Variants in PDIA6 observed in about 807,000 individuals in gnomAD.
PDIA6 encodes the protein protein disulfide isomerase family A member 6, also known as protein disulfide-isomerase A6.
Under a neutral mutation model 58.4 loss-of-function variants are expected in PDIA6, and 29 were observed. The observed-to-expected ratio is 0.50, with a 90% confidence interval of 0.37 to 0.68. The LOEUF (loss-of-function observed/expected upper bound fraction) is 0.68. PDIA6 is among the 30% of genes least tolerant of loss of function. PDIA6 has a pLI of 0.00. For missense variants in PDIA6, 480 were observed against 551.0 expected, an observed-to-expected ratio of 0.87 and a Z score of 1.29; for synonymous variants, 192 against 202.6, an observed-to-expected ratio of 0.95 and a Z score of 0.44.
chr2:10,827,306 G>T (rs189700336), intron 1 of PDIA6, among the ~76,000 whole-genome samples: 52 of 151,926 alleles, frequency 3.4e-4, no homozygotes, highest in African/African-American at 1.1e-3. Context: ...CAGATGATCC[G>T]CCCTCCTCAG....
chr2:10,794,489 T>TA (rs1666182736), intron 4 of PDIA6, among the ~76,000 whole-genome samples: 1 of 141,712 alleles, frequency 7.1e-6, no homozygotes, highest in Non-Finnish European at 1.6e-5. Context: ...TTTTTTTTTT[T>TA]AGAGTTTTCT....
At chr2:10,793,295 G>A (rs1686517) in intron 4 of PDIA6, 93 bp from the exon 5 acceptor site, 434,075 of 770,846 alleles carry the variant, frequency 0.56, 123,156 homozygotes, top group Middle Eastern at 0.61. Context: ...CCTCACTGTC[G>A]GCTTCACCAG....
upstream of PDIA6, among the ~76,000 whole-genome samples, chr2:10,814,285 C>CT (rs1667121677): frequency 6.6e-6 from 1 of 152,222 alleles, no homozygotes; most frequent in African/African-American, 2.4e-5. Context: ...CAGCAGCCCT[C>CT]TGAAGTCACG....
chr2:10,806,628 CAGAA>C (rs1553339931), intron 1 of PDIA6, among the ~76,000 whole-genome samples: 3 of 70,364 alleles, frequency 4.3e-5, no homozygotes, highest in South Asian at 5.2e-4. Flanking sequence ...AAAATAAAGA[CAGAA>C]AGAAAGAAAG....
At chr2:10,835,226 T>A (rs1667806716), upstream of PDIA6, among the ~76,000 whole-genome samples, 1 of 152,132 alleles carries the variant, frequency 6.6e-6, no homozygotes, top group Admixed American at 6.5e-5. Context: ...TCCCAAGCCA[T>A]CTGCAGGAAG....
At chr2:10,828,001 T>C (rs1439582539) in intron 1 of PDIA6, among the ~76,000 whole-genome samples, 6 of 150,474 alleles carry the variant, frequency 4.0e-5, no homozygotes, top group Middle Eastern at 3.5e-3. Context: ...GGACAGTGAA[T>C]TCCCCATAAA....
At chr2:10,799,869 G>T (rs1238236974) in intron 2 of PDIA6, among the ~76,000 whole-genome samples, 2 of 150,664 alleles carry the variant, frequency 1.3e-5, no homozygotes, top group Admixed American at 1.3e-4. Context: ...CTCCCAAAGG[G>T]CTGGTGGATA....
intron 1 of PDIA6, among the ~76,000 whole-genome samples, chr2:10,826,401 C>T (rs1558464614): frequency 6.6e-6 from 1 of 151,972 alleles, no homozygotes; most frequent in Non-Finnish European, 1.5e-5. Flanking sequence ...CTCTTGTTGC[C>T]TAGGCTGGAG....
At chr2:10,808,436 C>A (rs1234288684) in intron 1 of PDIA6, among the ~76,000 whole-genome samples, 1 of 113,664 alleles carries the variant, frequency 8.8e-6, no homozygotes, top group Non-Finnish European at 2.2e-5. Context: ...AAGCAGGTTT[C>A]ATTATAGAGA....
At chr2:10,824,886 T>C (rs1272844540) in intron 1 of PDIA6, among the ~76,000 whole-genome samples, 2 of 152,196 alleles carry the variant, frequency 1.3e-5, no homozygotes, top group African/African-American at 2.4e-5. Flanking sequence ...GTCAACTTGA[T>C]TGGATTGGAG....
At chr2:10,796,084 C>T (rs570162882) in intron 4 of PDIA6, among the ~76,000 whole-genome samples, 12 of 138,032 alleles carry the variant, frequency 8.7e-5, no homozygotes, top group South Asian at 2.2e-4. Context: ...TTTTTTGAGA[C>T]GGAGTCTCGC....
chr2:10,784,903 T>A, intron 12 of PDIA6, 31 bp downstream of exon 12: 2 of 1,454,410 alleles, frequency 1.4e-6, no homozygotes, highest in Admixed American at 1.9e-5. Context: ...CCAGGACTGC[T>A]GCCCGCACAG....
At chr2:10,809,650 A>AC (rs1666915589) in intron 1 of PDIA6, among the ~76,000 whole-genome samples, 1 of 130,064 alleles carries the variant, frequency 7.7e-6, no homozygotes, top group African/African-American at 4.0e-5. Flanking sequence ...GGTCTCAAAA[A>AC]AAAAAAAAAA....
intron 7 of PDIA6, 57 bp from the exon 8 acceptor site, chr2:10,789,946 A>C: frequency 1.3e-6 from 2 of 1,499,918 alleles, no homozygotes; most frequent in Admixed American, 1.8e-5. Flanking sequence ...AAAATAACAC[A>C]ATCTTTACAG....
chr2:10,794,439 CTG>C (rs1195361215), intron 4 of PDIA6, among the ~76,000 whole-genome samples: 1 of 133,428 alleles, frequency 7.5e-6, no homozygotes, highest in Non-Finnish European at 1.6e-5. Context: ...GAACGAGACT[CTG>C]TGTCAAGAAA....
upstream of PDIA6, among the ~76,000 whole-genome samples, chr2:10,837,310 G>T (rs1036889634): frequency 6.6e-6 from 1 of 152,164 alleles, no homozygotes; most frequent in South Asian, 2.1e-4. Flanking sequence ...AGGAGGCGAC[G>T]GGGAAAAGAG....
In PDIA6 at chr2:10,832,016, C is replaced by CAAAAAAAA. The variant is rs59417410; in HGVS notation, c.-48+178_-48+185dup. Among the ~76,000 whole-genome samples the CAAAAAAAA allele has an allele frequency of 1.5e-4, 12 of 81,346 alleles. 1 individual carries two copies. Among genetic ancestry groups the CAAAAAAAA allele is most frequent in the Non-Finnish European group, 1.8e-4 (8 of 45,538 alleles). 53.4% of individuals were successfully genotyped at this position (81,346 alleles called of 152,430 possible). On this transcript the variant is annotated intron_variant, in intron 1 of 13. Coordinates refer to the PDIA6 transcript ENST00000381611. ...TGGGTGACAGAGCAAGACCCTGTCT[C>CAAAAAAAA]AAAAAAAAAAAAAAAAAAAAAGAGG...
At chr2:10,820,825 G>A (rs61360105) in intron 1 of PDIA6, 17 of 702,954 alleles carry the variant, frequency 2.4e-5, no homozygotes, top group East Asian at 5.4e-5. Flanking sequence ...GCCAGTGGTC[G>A]GCACACCCAC....
At chr2:10,827,870 TAA>T (rs1054744258) in intron 1 of PDIA6, among the ~76,000 whole-genome samples, 1 of 150,206 alleles carries the variant, frequency 6.7e-6, no homozygotes, top group South Asian at 2.1e-4. Context: ...AGAACTAGAG[TAA>T]AAAAAAAGTT....
Sources: allele counts gnomAD v4.1 joint callset (sites outside exome capture counted in the v4.1 genomes callset), GRCh38; gene constraint gnomAD v4.1.1; transcripts MANE v1.5; gene names NCBI Gene and HGNC (gene_info 2026-07-23, HGNC 2026-07-21).